The following CNNM1 variants were observed in gnomAD, a reference collection of about 807,000 sequenced individuals.
CNNM1 encodes metal transporter CNNM1.
CNNM1 carries 44 observed loss-of-function variants against 78.8 expected under a neutral mutation model. The observed-to-expected ratio is 0.56, with a 90% CI of 0.44 to 0.72. The LOEUF (loss-of-function observed/expected upper bound fraction) is 0.72, where lower values mean the gene tolerates loss of function less well. CNNM1 is among the 30% of genes least tolerant of loss of function. CNNM1 has a pLI of 0.00. For missense variants in CNNM1, 1,101 were observed against 1,292.2 expected, an observed-to-expected ratio of 0.85 and a Z score of 2.27; for synonymous variants, 584 against 581.5, an observed-to-expected ratio of 1.00 and a Z score of -0.06.
Position 99,330,626 on chromosome 10 carries a change from G to A in CNNM1, c.1239G>A (p.Glu413=), listed in dbSNP as rs1850594029. ...AADPYSDLVK[E]ELNIIQGALE... ...ACCCCTACAGTGACCTGGTGAAGGAGGAGCTCAACATCATACAGGGTGCCC... is the reference window on the plus strand; with the variant it reads ...ACCCCTACAGTGACCTGGTGAAGGAAGAGCTCAACATCATACAGGGTGCCC... The change falls in exon 1 of 11, where the codon GAG becomes GAA. Residue 413 remains glutamate, a synonymous_variant. Coordinates refer to ENST00000356713, the MANE Select transcript of CNNM1 (RefSeq NM_020348.3). 3 of 1,613,798 alleles carry A rather than the reference G, an allele frequency of 1.9e-6. No individual in the cohort carries two copies. The African/African-American group carries it at 4.0e-5, about 22-fold the overall frequency.
chr10:99,336,865 G>A (rs1438657960), intron 1 of CNNM1, among the ~76,000 whole-genome samples: 1 of 152,124 alleles, frequency 6.6e-6, no homozygotes, highest in Non-Finnish European at 1.5e-5. Context: ...TTACTCAGGA[G>A]GCTGAGGCAG....
intron 1 of CNNM1, 114 bp from the exon 2 acceptor site, chr10:99,357,398 G>T: frequency 2.0e-6 from 2 of 985,864 alleles, no homozygotes; most frequent in East Asian, 2.5e-5. Context: ...AGGAGGTCCA[G>T]GGATGAGTGC....
chr10:99,360,251 G>A (rs1033873146), intron 2 of CNNM1, among the ~76,000 whole-genome samples: 12 of 152,156 alleles, frequency 7.9e-5, no homozygotes, highest in African/African-American at 2.9e-4. Flanking sequence ...CCTTCCTTGT[G>A]TGGCATGCTT....
At chr10:99,377,913 C>T (rs2032025270) in intron 7 of CNNM1, among the ~76,000 whole-genome samples, 1 of 151,324 alleles carries the variant, frequency 6.6e-6, no homozygotes, top group Non-Finnish European at 1.5e-5. Context: ...ATTGGCATTG[C>T]ACAGGAGCCT....
At chr10:99,373,969 T>C (rs2031887990) in intron 6 of CNNM1, among the ~76,000 whole-genome samples, 1 of 152,112 alleles carries the variant, frequency 6.6e-6, no homozygotes, top group South Asian at 2.1e-4. Flanking sequence ...TATCCAGTCA[T>C]CCATTGATGG....
At chr10:99,379,909 T>C (rs2032086984) in intron 7 of CNNM1, among the ~76,000 whole-genome samples, 1 of 152,100 alleles carries the variant, frequency 6.6e-6, no homozygotes, top group Non-Finnish European at 1.5e-5. Context: ...GGAAGTCCAA[T>C]ATCAAGGTGC....
At chr10:99,386,684 A>G (rs2032316676) in intron 7 of CNNM1, among the ~76,000 whole-genome samples, 1 of 152,222 alleles carries the variant, frequency 6.6e-6, no homozygotes, top group Non-Finnish European at 1.5e-5. Flanking sequence ...GCGTCTTGTC[A>G]GTAGTTGACA....
At chr10:99,345,746 G>A (rs1205831637) in intron 1 of CNNM1, among the ~76,000 whole-genome samples, 1 of 152,120 alleles carries the variant, frequency 6.6e-6, no homozygotes, top group African/African-American at 2.4e-5. Context: ...TTTCTAGTTG[G>A]GTCTTGAAGC....
intron 1 of CNNM1, among the ~76,000 whole-genome samples, chr10:99,336,498 C>A (rs2030195623): frequency 1.3e-5 from 2 of 152,202 alleles, no homozygotes; most frequent in South Asian, 4.1e-4. Flanking sequence ...ATGACGATTT[C>A]TTAAATCTGT....
chr10:99,330,920 T>C lies in CNNM1; in HGVS notation c.1533T>C (p.Asn511=). The part of the protein sequence containing the change: ...FYNRPLHCVF[N]DTRLDTVLEE... ...ACCGGCCCCTGCATTGTGTTTTCAA[T>C]GACACCCGACTGGACACGGTTCTGG... Residue 511 remains asparagine, a synonymous_variant, in exon 1 of 11, where the codon AAT becomes AAC. Coordinates refer to ENST00000356713, the MANE Select transcript of CNNM1 (RefSeq NM_020348.3). The C allele has an allele frequency of 6.2e-7, 1 of 1,614,000 alleles. No individual in the cohort carries two copies. Among genetic ancestry groups the C allele is most frequent in the Non-Finnish European group, 8.5e-7 (1 of 1,179,994 alleles).
chr10:99,338,808 C>G (rs2030314011), intron 1 of CNNM1, among the ~76,000 whole-genome samples: 1 of 152,080 alleles, frequency 6.6e-6, no homozygotes. Context: ...GCCCATTGTC[C>G]TGCCATCAAG....
At chr10:99,331,049 G>T in intron 1 of CNNM1, 89 bp downstream of exon 1, 2 of 1,305,626 alleles carry the variant, frequency 1.5e-6, no homozygotes, top group Non-Finnish European at 2.1e-6. Flanking sequence ...GGTACCCAAA[G>T]CAATTTCTCT....
At chr10:99,382,621 G>A (rs1042363590) in intron 7 of CNNM1, among the ~76,000 whole-genome samples, 1 of 152,122 alleles carries the variant, frequency 6.6e-6, no homozygotes, top group Non-Finnish European at 1.5e-5. Context: ...TTTTAAATTA[G>A]CCAGGCATGG....
At chr10:99,354,214 G>T (rs2031047898) in intron 1 of CNNM1, among the ~76,000 whole-genome samples, 1 of 152,166 alleles carries the variant, frequency 6.6e-6, no homozygotes, top group Admixed American at 6.5e-5. Context: ...TGTTAGAAAC[G>T]AAAAACTTTA....
At chr10:99,343,795 A>C (rs2030559056) in intron 1 of CNNM1, among the ~76,000 whole-genome samples, 1 of 151,782 alleles carries the variant, frequency 6.6e-6, no homozygotes, top group Non-Finnish European at 1.5e-5. Context: ...GCTCACTGCA[A>C]ACTCTGCCTC....
intron 7 of CNNM1, among the ~76,000 whole-genome samples, chr10:99,378,604 G>A (rs903751400): frequency 6.6e-6 from 1 of 152,212 alleles, no homozygotes; most frequent in Non-Finnish European, 1.5e-5. Context: ...GAACCTGGGG[G>A]ATGGGGTGAG....
At chr10:99,348,342 A>C (rs919670097) in intron 1 of CNNM1, among the ~76,000 whole-genome samples, 1 of 152,176 alleles carries the variant, frequency 6.6e-6, no homozygotes, top group Non-Finnish European at 1.5e-5. Flanking sequence ...CACGGCGCCC[A>C]GCCTTATGCT....
At chr10:99,365,831 G>A (rs1380564634) in intron 6 of CNNM1, among the ~76,000 whole-genome samples, 1 of 152,148 alleles carries the variant, frequency 6.6e-6, no homozygotes, top group Admixed American at 6.5e-5. Flanking sequence ...GCCTTGTGGT[G>A]GGAATTATCA....
intron 6 of CNNM1, among the ~76,000 whole-genome samples, chr10:99,367,163 T>A (rs2031647172): frequency 6.6e-6 from 1 of 152,146 alleles, no homozygotes; most frequent in Non-Finnish European, 1.5e-5. Context: ...ACCCAGCATC[T>A]TTCACTGGCC....
Sources: allele counts gnomAD v4.1 joint callset (sites outside exome capture counted in the v4.1 genomes callset), GRCh38; gene constraint gnomAD v4.1.1; transcripts MANE v1.5; gene names NCBI Gene and HGNC (gene_info 2026-07-23, HGNC 2026-07-21).